The following BMP1 variants were observed in gnomAD, a reference collection of about 807,000 sequenced individuals.
BMP1 encodes the protein mammalian tolloid protein.
Under a neutral mutation model 116.8 loss-of-function variants are expected in BMP1, and 63 were observed. The ratio of observed to expected loss-of-function variants is 0.54; its 90% CI spans 0.44 to 0.67. The LOEUF is 0.67. BMP1 is among the 30% of genes least tolerant of loss of function. The pLI is 0.00. For missense variants in BMP1, 1,183 were observed against 1,358.9 expected (o/e 0.87, Z 2.04); for synonymous variants, 536 against 533.4 (o/e 1.00, Z -0.07).
At chr8:22,209,369 A>G in intron 18 of BMP1, 76 bp from the exon 19 acceptor site, 2 of 1,562,012 alleles carry the variant, frequency 1.3e-6, no homozygotes, top group Non-Finnish European at 1.7e-6. Flanking sequence ...CCGTGAGGGC[A>G]CGCCATGGCA....
chr8:22,203,330 C>T (rs913668192), intron 16 of BMP1, among the ~76,000 whole-genome samples: 8 of 152,104 alleles, frequency 5.3e-5, no homozygotes, highest in Non-Finnish European at 8.8e-5. Context: ...CCAAGGCGAT[C>T]GGATCACTTG....
intron 16 of BMP1, among the ~76,000 whole-genome samples, chr8:22,206,640 C>A (rs1428556425): frequency 6.6e-6 from 1 of 152,088 alleles, no homozygotes; most frequent in African/African-American, 2.4e-5. Context: ...CCATGTGAGG[C>A]CTCACTCAAG....
chr8:22,190,589 G>A (rs1828903257), intron 8 of BMP1, among the ~76,000 whole-genome samples: 2 of 152,314 alleles, frequency 1.3e-5, no homozygotes, highest in South Asian at 2.1e-4. Flanking sequence ...ATAGAGAGGT[G>A]GAGAGAGGAG....
At chr8:22,206,194 C>A (rs1829350951) in intron 16 of BMP1, among the ~76,000 whole-genome samples, 1 of 151,932 alleles carries the variant, frequency 6.6e-6, no homozygotes, top group Non-Finnish European at 1.5e-5. Flanking sequence ...TGGTGAAACT[C>A]TGTCTCTACT....
Position 22,179,609 on chromosome 8 carries a change from G to A in BMP1, c.837-96G>A, listed in dbSNP as rs965605093. On this transcript the variant is annotated intron_variant, in intron 6 of 19. Transcript: ENST00000306385. The surrounding 1 kb of genome is among the most constrained non-coding windows in gnomAD (Gnocchi z 4.6). ...CCTGCTGAGGAATGTCTGAGCTCCAGCAGGGTCGTGACTTGTGGGTACAGA... is the reference window on the plus strand; with the variant it reads ...CCTGCTGAGGAATGTCTGAGCTCCAACAGGGTCGTGACTTGTGGGTACAGA... The A allele has an allele frequency of 5.0e-6, 8 of 1,594,172 alleles. No individual in the cohort carries two copies. The African/African-American group carries it at 5.4e-5, about 11-fold the overall frequency.
chr8:22,188,105 A>T (rs548728677), intron 8 of BMP1, among the ~76,000 whole-genome samples: 2 of 148,912 alleles, frequency 1.3e-5, no homozygotes, highest in Non-Finnish European at 3.0e-5. Flanking sequence ...GCACCAGAAG[A>T]CTCTGTACCC....
At chr8:22,206,181 A>G (rs1829350731) in intron 16 of BMP1, among the ~76,000 whole-genome samples, 1 of 152,088 alleles carries the variant, frequency 6.6e-6, no homozygotes, top group East Asian at 1.9e-4. Context: ...AGCCTGGCCA[A>G]CATGGTGAAA....
chr8:22,165,999 G>A (rs1477297369), intron 1 of BMP1, among the ~76,000 whole-genome samples: 3 of 151,440 alleles, frequency 2.0e-5, no homozygotes, highest in Non-Finnish European at 4.4e-5. Flanking sequence ...CTGCCCTGGG[G>A]CTGCACATCT....
intron 18 of BMP1, 75 bp from the exon 19 acceptor site, chr8:22,209,370 C>T (rs1216935091): frequency 1.5e-5 from 23 of 1,565,522 alleles, no homozygotes; most frequent in Admixed American, 9.2e-5. Flanking sequence ...CGTGAGGGCA[C>T]GCCATGGCAT....
At chr8:22,193,983 C>T in intron 9 of BMP1, 75 bp from the exon 10 acceptor site, 1 of 1,224,180 alleles carries the variant, frequency 8.2e-7, no homozygotes, top group South Asian at 1.3e-5. Flanking sequence ...AGCACCCAAG[C>T]CTCCTGGAGA....
At chr8:22,196,157 C>T (rs1405756522) in intron 13 of BMP1, 1 of 513,698 alleles carries the variant, frequency 1.9e-6, no homozygotes, top group African/African-American at 1.9e-5. Context: ...TCTTGACTTG[C>T]TAACTGATAT....
Position 22,176,230 on chromosome 8 carries a change from G to A in BMP1, c.350G>A (p.Arg117His), listed in dbSNP as rs1828428081. The A allele has an allele frequency of 1.9e-6, 3 of 1,613,960 alleles. No individual in the cohort carries two copies. Among genetic ancestry groups the A allele is most frequent in the South Asian group, 1.1e-5 (1 of 91,036 alleles). ...TGTGGGAGATGGAGAGGTAGATCCC[G>A]TAGCCGGCGGGCGGCGACGTCCCGA... Reference protein sequence around the residue: ...GACGRWRGRSRSRRAATSRPE... With the variant: ...GACGRWRGRSHSRRAATSRPE... Residue 117 changes from arginine (R) to histidine (H), a missense_variant, in exon 3 of 20, where the codon CGT (arginine) becomes CAT (histidine). Coordinates refer to ENST00000306385, the MANE Select transcript of BMP1 (RefSeq NM_006129.5).
rs537190407 is a variant in BMP1, at chr8:22,203,039, A to AT, written c.2233+1112dup. Reference sequence around the variant, plus strand: ...AATATAAATAAATAAATAAAGCAAAATAAAAACAGCTCTCATGGCATCACC... The same window carrying AT: ...AATATAAATAAATAAATAAAGCAAAATTAAAAACAGCTCTCATGGCATCACC... On this transcript the variant is annotated intron_variant, in intron 16 of 19. Transcript: ENST00000306385. Among the ~76,000 whole-genome samples the AT allele has an allele frequency of 1.2e-4, 18 of 152,192 alleles. No individual in the cohort carries two copies. The East Asian group carries it at 2.9e-3, about 25-fold the overall frequency.
chr8:22,176,112 A>G (rs1180584411), intron 2 of BMP1, 31 bp from the exon 3 acceptor site: 8 of 1,609,356 alleles, frequency 5.0e-6, no homozygotes, highest in South Asian at 2.2e-5. Flanking sequence ...CTTTCTCTCC[A>G]CTCACTAGTC....
intron 8 of BMP1, among the ~76,000 whole-genome samples, chr8:22,183,724 T>C (rs1828689388): frequency 6.6e-6 from 1 of 152,076 alleles, no homozygotes; most frequent in Non-Finnish European, 1.5e-5. Flanking sequence ...ATTACAGGCA[T>C]GTGCCACCAC....
At chr8:22,195,126 G>A (rs1382743606) in intron 12 of BMP1, among the ~76,000 whole-genome samples, 1 of 152,018 alleles carries the variant, frequency 6.6e-6, no homozygotes, top group Non-Finnish European at 1.5e-5. Context: ...ATTCAGGGAG[G>A]AAAAAAGGCA....
At chr8:22,168,611 C>T (rs1586431643) in intron 1 of BMP1, among the ~76,000 whole-genome samples, 1 of 152,186 alleles carries the variant, frequency 6.6e-6, no homozygotes, top group Non-Finnish European at 1.5e-5. Flanking sequence ...CATCCCCATC[C>T]CACCCAGGGG....
At chr8:22,198,853 A>G in intron 15 of BMP1, 1 of 884,824 alleles carries the variant, frequency 1.1e-6, no homozygotes, top group South Asian at 2.2e-5. Flanking sequence ...CCGCTTGCTG[A>G]GACCCTCCCC....
intron 5 of BMP1, 187 bp from the exon 6 acceptor site, chr8:22,177,665 T>C (rs1828486974): frequency 2.6e-6 from 2 of 763,792 alleles, no homozygotes; most frequent in African/African-American, 1.7e-5. Context: ...GGCCCTCTGC[T>C]GGACAGGACT....
Sources: gnomAD v4.1 joint callset for allele counts (sites outside exome capture counted in the v4.1 genomes callset) on GRCh38, gnomAD v4.1.1 for gene constraint, Gnocchi (gnomAD v3.1) non-coding constraint, MANE v1.5 for transcripts, NCBI Gene and HGNC (gene_info 2026-07-23, HGNC 2026-07-21) for gene names.